C6orf58: variants seen among roughly 807,000 people sequenced by gnomAD.
The protein encoded by C6orf58 is chromosome 6 open reading frame 58, also known as protein LEG1 homolog.
In C6orf58, 30 loss-of-function variants were observed where a neutral mutation model predicts 37.0. The observed-to-expected ratio is 0.81, with a 90% CI of 0.61 to 1.10. The LOEUF is 1.10. C6orf58 is among the 50% of genes least tolerant of loss of function. C6orf58 has a pLI of 0.00. For synonymous variants in C6orf58, 143 were observed against 134.1 expected, an observed-to-expected ratio of 1.07 and a Z score of -0.46; for missense variants, 368 against 387.5, an observed-to-expected ratio of 0.95 and a Z score of 0.42.
At chr6:127,578,547 A>C (rs1775014059) in intron 1 of C6orf58, 139 bp from the exon 2 acceptor site, 2 of 515,384 alleles carry the variant, frequency 3.9e-6, no homozygotes, top group South Asian at 7.3e-5. Context: ...ATAAAAAAAG[A>C]ATGATGGGAA....
At chr6:127,583,989 A>C (rs1775077689) in intron 4 of C6orf58, among the ~76,000 whole-genome samples, 1 of 152,232 alleles carries the variant, frequency 6.6e-6, no homozygotes. Context: ...AATGCAATCC[A>C]ACAAATTCTA....
chr6:127,586,446 G>A (rs1775107119), intron 4 of C6orf58, among the ~76,000 whole-genome samples: 3 of 151,938 alleles, frequency 2.0e-5, no homozygotes, highest in African/African-American at 7.3e-5. Flanking sequence ...CTCCTCCCCT[G>A]TGTAAGGTGC....
Position 127,591,596 on chromosome 6 carries a change from T to A in C6orf58, c.967T>A (p.Ser323Thr). The A allele has an allele frequency of 4.6e-6, 7 of 1,526,598 alleles. No individual in the cohort carries two copies. Among genetic ancestry groups the A allele is most frequent in the Non-Finnish European group, 6.1e-6 (7 of 1,142,806 alleles). The allele number at this position is 1,526,598 out of a possible 1,614,324, so 94.6% of individuals were successfully genotyped here. A position where few individuals can be genotyped will look rare whatever the true frequency, so the allele number is the denominator to read the frequency against. The change falls in exon 6 of 6, where the codon TCT becomes ACT. Residue 323 changes from serine (S) to threonine (T), a missense_variant. By Grantham distance (58) the Ser-to-Thr change is moderately conservative. Coordinates refer to ENST00000329722, the MANE Select transcript of C6orf58 (RefSeq NM_001010905.3). ...ATATAGAGATCATTCGGAATCTAGC[T>A]CTAGAAGTTATGGAAATAACTCCTG... ...NVYRDHSESS[S>T]RSYGNNS
chr6:127,581,570 A>G (rs144380925), intron 4 of C6orf58, among the ~76,000 whole-genome samples: 2 of 152,184 alleles, frequency 1.3e-5, no homozygotes, highest in African/African-American at 4.8e-5. Flanking sequence ...AAAATATAAT[A>G]TAAATATGTA....
chr6:127,578,996 C>T (rs544100046), intron 2 of C6orf58, among the ~76,000 whole-genome samples: 2 of 152,106 alleles, frequency 1.3e-5, no homozygotes, highest in South Asian at 2.1e-4. Flanking sequence ...CACAGAAGGA[C>T]GAAAACAAGG....
At chr6:127,585,335 C>T (rs1249497272) in intron 4 of C6orf58, among the ~76,000 whole-genome samples, 3 of 151,812 alleles carry the variant, frequency 2.0e-5, no homozygotes, top group African/African-American at 7.3e-5. Context: ...TGGAAGCTTG[C>T]CAAAAATATC....
intron 5 of C6orf58, 81 bp downstream of exon 5, chr6:127,590,406 T>A: frequency 1.1e-6 from 1 of 875,890 alleles, no homozygotes; most frequent in Non-Finnish European, 1.8e-6. Flanking sequence ...AAATCAGTGA[T>A]ATAAACATTA....
At position 127,590,214 on chromosome 6, in the gene C6orf58, C is replaced by G; in HGVS notation, c.802C>G (p.Pro268Ala). ...ATATAAGTTCCAGAAGGGCATGCCA[C>G]CACGAATTCTTCTTAATACTGATGT... ...RSYKFQKGMP[P>A]RILLNTDVAP... is the part of the protein sequence containing the mutation. The change falls in exon 5 of 6, where the codon CCA becomes GCA. Residue 268 changes from proline to alanine, a missense_variant. Coordinates refer to ENST00000329722, the MANE Select transcript of C6orf58 (RefSeq NM_001010905.3). The G allele has an allele frequency of 6.2e-7, 1 of 1,613,744 alleles. No individual in the cohort carries two copies. The highest frequency in any genetic ancestry group is 8.5e-7 in the Non-Finnish European group (1 of 1,179,736).
chr6:127,583,204 G>A (rs141354018), intron 4 of C6orf58, among the ~76,000 whole-genome samples: 148 of 152,262 alleles, frequency 9.7e-4, no homozygotes, highest in African/African-American at 3.3e-3. Flanking sequence ...TAAAAGTCTA[G>A]CTGTTTAGAA....
chr6:127,578,641 C>A, intron 1 of C6orf58, 45 bp from the exon 2 acceptor site: 1 of 1,408,036 alleles, frequency 7.1e-7, no homozygotes. Flanking sequence ...CAGCCAGTTT[C>A]AAAATGCGTA....
At position 127,581,235 on chromosome 6, in the gene C6orf58, T is replaced by G. The variant is rs370156496; in HGVS notation, c.627T>G (p.Ala209=). The change falls in exon 4 of 6, where the codon GCT becomes GCG. Residue 209 remains alanine (A), a synonymous_variant. Transcript: ENST00000329722. ...ATGATCTGTTGAAGTACTTATGGGC[T>G]GCACACACTTCAACCTTGGCAGATA... ...KFDDLLKYLW[A]AHTSTLADNI... 7.1e-6 allele frequency: 11 copies of G among 1,543,022 alleles called. No individual in the cohort carries two copies. In the African/African-American group the frequency reaches 1.4e-4, roughly 19 times the overall value.
chr6:127,580,685 G>A (rs888321720), intron 3 of C6orf58, among the ~76,000 whole-genome samples: 20 of 151,960 alleles, frequency 1.3e-4, no homozygotes, highest in Non-Finnish European at 2.6e-4. Flanking sequence ...ATACAAAAAT[G>A]GTGAGCATAC....
intron 4 of C6orf58, among the ~76,000 whole-genome samples, chr6:127,586,547 C>A (rs1164261451): frequency 6.6e-6 from 1 of 152,212 alleles, no homozygotes; most frequent in African/African-American, 2.4e-5. Flanking sequence ...TGCACAAAAG[C>A]ATCTGAGGTA....
At chr6:127,580,549 T>A in intron 3 of C6orf58, 100 bp downstream of exon 3, 1 of 842,348 alleles carries the variant, frequency 1.2e-6, no homozygotes, top group Non-Finnish European at 1.9e-6. Context: ...TTCCTTAGTA[T>A]GCAGATGTAA....
intron 4 of C6orf58, among the ~76,000 whole-genome samples, chr6:127,584,756 C>G (rs545126743): frequency 2.0e-5 from 3 of 147,080 alleles, no homozygotes; most frequent in African/African-American, 7.6e-5. Context: ...AGATTGGGGA[C>G]TGGGTGACAG....
intron 4 of C6orf58, among the ~76,000 whole-genome samples, chr6:127,585,350 G>A (rs1179037167): frequency 6.6e-6 from 1 of 152,064 alleles, no homozygotes; most frequent in African/African-American, 2.4e-5. Flanking sequence ...AATATCAAAG[G>A]TTTAAAATAC....
intron 4 of C6orf58, among the ~76,000 whole-genome samples, chr6:127,584,603 G>A (rs566600246): frequency 6.6e-5 from 10 of 152,116 alleles, no homozygotes; most frequent in African/African-American, 1.9e-4. Context: ...GGGAAACCCC[G>A]TCTCTAGTAA....
rs1583127928 is a variant in C6orf58 at position 127,580,543 on chromosome 6, T to A, written c.573+94T>A. ...TTTTGTGCATTACATAATATTTTCC[T>A]TAGTATGCAGATGTAAATTGCTATG... On this transcript the variant is annotated intron_variant, in intron 3 of 5. Transcript: ENST00000329722. The A allele has an allele frequency of 6.7e-6, 6 of 895,348 alleles. No homozygotes were observed. The East Asian group carries it at 1.5e-4, about 22-fold the overall frequency. 55.5% of individuals were successfully genotyped at this position (895,348 alleles called of 1,614,324 possible).
At chr6:127,579,454 G>A (rs1034000426) in intron 2 of C6orf58, among the ~76,000 whole-genome samples, 7 of 151,998 alleles carry the variant, frequency 4.6e-5, no homozygotes, top group East Asian at 1.9e-4. Flanking sequence ...TAAAAGACTC[G>A]CGAATAGTAG....
Sources: allele counts gnomAD v4.1 joint callset (sites outside exome capture counted in the v4.1 genomes callset), GRCh38; gene constraint gnomAD v4.1.1; transcripts MANE v1.5; gene names NCBI Gene and HGNC (gene_info 2026-07-23, HGNC 2026-07-21).